SSX2IP: variants seen among roughly 807,000 people sequenced by gnomAD.
The protein encoded by SSX2IP is SSX family member 2 interacting protein.
Under a neutral mutation model 84.9 loss-of-function variants are expected in SSX2IP, and 55 were observed. That is an observed-to-expected ratio of 0.65 (90% CI 0.52 to 0.81). The LOEUF is 0.81. SSX2IP is among the 30% of genes least tolerant of loss of function. The pLI is 0.00. For synonymous variants in SSX2IP, 239 were observed against 234.7 expected (o/e 1.02, Z -0.17); for missense variants, 664 against 705.2 (o/e 0.94, Z 0.66).
At chr1:84,680,558 C>T (rs1654936641) in intron 1 of SSX2IP, among the ~76,000 whole-genome samples, 1 of 151,848 alleles carries the variant, frequency 6.6e-6, no homozygotes, top group Admixed American at 6.6e-5. Flanking sequence ...CTATTATTAG[C>T]TATTTTACTC....
At chr1:84,674,938 A>T (rs1654112545) in intron 1 of SSX2IP, among the ~76,000 whole-genome samples, 2 of 152,176 alleles carry the variant, frequency 1.3e-5, no homozygotes, top group South Asian at 4.1e-4. Context: ...ATCAATACAT[A>T]CCCTAAACTA....
intron 8 of SSX2IP, 29 bp downstream of exon 8, chr1:84,662,169 A>T: frequency 7.1e-7 from 1 of 1,418,326 alleles, no homozygotes; most frequent in Non-Finnish European, 9.6e-7. Context: ...CAATCTGAAG[A>T]CTGTATTAGA....
chr1:84,664,400 C>T lies in SSX2IP; in HGVS notation c.673+17G>A, dbSNP rs371801394. ...TAGCTTATTTATTCTCTTAGCTGAT[C>T]TTTGCCAGCTGTTTACCTATTTTCT... On this transcript the variant is annotated intron_variant, in intron 6 of 13. Coordinates refer to ENST00000342203, the MANE Select transcript of SSX2IP (RefSeq NM_001166293.2). 2.7e-4 allele frequency: 423 copies of T among 1,564,690 alleles called. 1 individual carries two copies. Among genetic ancestry groups the T allele is most frequent in the Non-Finnish European group, 2.7e-4 (312 of 1,163,170 alleles).
At chr1:84,681,198 T>A (rs1057379843) in intron 1 of SSX2IP, among the ~76,000 whole-genome samples, 2 of 152,166 alleles carry the variant, frequency 1.3e-5, no homozygotes, top group Non-Finnish European at 2.9e-5. Flanking sequence ...CACTAAACAA[T>A]CATACTTCTA....
At chr1:84,660,120 A>G (rs1296520939) in intron 8 of SSX2IP, among the ~76,000 whole-genome samples, 2 of 152,224 alleles carry the variant, frequency 1.3e-5, no homozygotes, top group East Asian at 3.8e-4. Context: ...CCAACATTAC[A>G]TCTTATTTCT....
At chr1:84,664,659 TCTTC>T in intron 5 of SSX2IP, 107 bp from the exon 6 acceptor site, 2 of 980,652 alleles carry the variant, frequency 2.0e-6, no homozygotes, top group African/African-American at 1.7e-5. Context: ...CTAGGATGAT[TCTTC>T]CTTATTTGTA....
intron 4 of SSX2IP, among the ~76,000 whole-genome samples, chr1:84,666,662 C>T (rs1371326540): frequency 6.6e-6 from 1 of 152,038 alleles, no homozygotes; most frequent in Non-Finnish European, 1.5e-5. Context: ...GGAGCTAAGT[C>T]TGAAGAAAAA....
At chr1:84,667,231 C>A (rs1464272777) in intron 4 of SSX2IP, among the ~76,000 whole-genome samples, 3 of 152,100 alleles carry the variant, frequency 2.0e-5, no homozygotes, top group Admixed American at 2.0e-4. Context: ...GCACACACCC[C>A]TCCTTCCTTT....
chr1:84,663,233 T>TA (rs1217484994), intron 6 of SSX2IP, among the ~76,000 whole-genome samples: 1 of 152,168 alleles, frequency 6.6e-6, no homozygotes, highest in East Asian at 1.9e-4. Flanking sequence ...ATTATAATCT[T>TA]AGAGTTAATA....
intron 5 of SSX2IP, 109 bp downstream of exon 5, chr1:84,666,013 G>T: frequency 2.5e-6 from 2 of 796,264 alleles, no homozygotes; most frequent in South Asian, 1.8e-5. Flanking sequence ...GGGGAAAGAT[G>T]AATAAATGGT....
intron 8 of SSX2IP, among the ~76,000 whole-genome samples, chr1:84,660,848 T>G (rs1409788602): frequency 1.4e-5 from 2 of 142,322 alleles, no homozygotes; most frequent in Admixed American, 1.5e-4. Context: ...GTCAGGAGAT[T>G]GAGACCATCC....
chr1:84,688,058 C>T, intron 1 of SSX2IP, among the ~76,000 whole-genome samples: 1 of 151,734 alleles, frequency 6.6e-6, no homozygotes, highest in Non-Finnish European at 1.5e-5. Flanking sequence ...TCTTTTTATC[C>T]TCAGGTCAGG....
chr1:84,669,780 AAGCACAAGC>A lies in SSX2IP; in HGVS notation c.318_326del (p.Leu107_Leu109del). On this transcript the variant is annotated inframe_deletion, in exon 4 of 14. Transcript: ENST00000342203. ...CCTGAGCTAGAAGGTTCTTCCGCTGAAGCACAAGCAGCTCATTCATACAATTTAGTACAG... is the reference window on the plus strand; with the variant it reads ...CCTGAGCTAGAAGGTTCTTCCGCTGAAGCTCATTCATACAATTTAGTACAG... The A allele has an allele frequency of 6.2e-7, 1 of 1,613,838 alleles. No individual in the cohort carries two copies. The highest frequency in any genetic ancestry group is 1.1e-5 in the South Asian group (1 of 91,082).
intron 11 of SSX2IP, among the ~76,000 whole-genome samples, chr1:84,654,339 G>A (rs1650758084): frequency 3.3e-5 from 5 of 151,990 alleles, no homozygotes; most frequent in Admixed American, 2.0e-4. Context: ...CTTCTCATCA[G>A]TAAAACTAAA....
Position 84,644,414 on chromosome 1 carries a change from T to C in SSX2IP, c.*3019A>G, listed in dbSNP as rs1649245880. On this transcript the variant is annotated 3_prime_UTR_variant, in exon 14 of 14. Coordinates refer to ENST00000342203, the MANE Select transcript of SSX2IP (RefSeq NM_001166293.2). ...ATCACCAAGGATTGGAAAGCAGTAG[T>C]AAGCCTTGACATACAGCAGGTACTT... is the stretch of plus-strand genomic sequence containing the variant. 1 of 152,190 alleles carries C rather than the reference T, an allele frequency of 6.6e-6. No homozygotes were observed. The highest frequency in any genetic ancestry group is 6.5e-5 in the Admixed American group (1 of 15,282). 9.4% of individuals were successfully genotyped at this position (152,190 alleles called of 1,614,324 possible).
At chr1:84,651,745 A>C in intron 12 of SSX2IP, 138 bp downstream of exon 12, 1 of 580,286 alleles carries the variant, frequency 1.7e-6, no homozygotes. Context: ...AACAAAAAAA[A>C]GTTGACTTTT....
At chr1:84,652,405 A>G (rs1263320057) in intron 11 of SSX2IP, 2 of 126,342 alleles carry the variant, frequency 1.6e-5, no homozygotes, top group African/African-American at 6.0e-5. Context: ...CCTAGGTGAC[A>G]CGGCAAGACC....
At chr1:84,690,637 A>G (rs1656497672), upstream of SSX2IP, 2 of 152,180 alleles carry the variant, frequency 1.3e-5, no homozygotes, top group African/African-American at 4.8e-5. Flanking sequence ...CGTGGCCTGC[A>G]TTGGTCGGGT....
At chr1:84,671,939 A>G (rs1398432835) in intron 1 of SSX2IP, among the ~76,000 whole-genome samples, 1 of 152,238 alleles carries the variant, frequency 6.6e-6, no homozygotes, top group Non-Finnish European at 1.5e-5. Context: ...CAATATCAAA[A>G]GAACAAAAAT....
Sources: gnomAD v4.1 joint callset for allele counts (sites outside exome capture counted in the v4.1 genomes callset) on GRCh38, gnomAD v4.1.1 for gene constraint, MANE v1.5 for transcripts, NCBI Gene and HGNC (gene_info 2026-07-23, HGNC 2026-07-21) for gene names.